Variants in AGBL4 observed in about 807,000 individuals in gnomAD.
The protein encoded by AGBL4 is cytosolic carboxypeptidase 6.
In AGBL4, 58 loss-of-function variants were observed where a neutral mutation model predicts 66.4. The ratio of observed to expected loss-of-function variants is 0.87; its 90% CI spans 0.71 to 1.09. AGBL4 has a LOEUF of 1.09. Among genes scored for constraint, AGBL4 ranks in the 50% least tolerant of loss-of-function variants. The pLI is 0.00. For missense variants in AGBL4, 579 were observed against 631.0 expected (o/e 0.92, Z 0.88); for synonymous variants, 234 against 222.9 (o/e 1.05, Z -0.44).
chr1:49,095,318 A>G (rs1645075407), intron 4 of AGBL4, among the ~76,000 whole-genome samples: 4 of 152,106 alleles, frequency 2.6e-5, no homozygotes, highest in South Asian at 2.1e-4. Context: ...TTTCTTCACA[A>G]AATTTGAAAA....
intron 1 of AGBL4, among the ~76,000 whole-genome samples, chr1:50,022,614 CCACACACACACACACACA>C (rs10588611): frequency 2.8e-5 from 4 of 141,202 alleles, no homozygotes; most frequent in African/African-American, 7.9e-5. Context: ...TGTACCATAA[CCACACACACACACACACA>C]CACACACACA....
At chr1:49,024,362 C>T (rs1465761269) in intron 5 of AGBL4, among the ~76,000 whole-genome samples, 1 of 152,156 alleles carries the variant, frequency 6.6e-6, no homozygotes, top group Non-Finnish European at 1.5e-5. Context: ...GCCATGCTCT[C>T]ACCCATTATA....
chr1:49,165,385 T>A (rs992923031), intron 4 of AGBL4, among the ~76,000 whole-genome samples: 4 of 152,152 alleles, frequency 2.6e-5, no homozygotes, highest in Admixed American at 6.6e-5. Context: ...TTTTACATTA[T>A]CACCAGAGAT....
chr1:49,112,921 C>T (rs1427639764), intron 4 of AGBL4, among the ~76,000 whole-genome samples: 1 of 151,876 alleles, frequency 6.6e-6, no homozygotes, highest in African/African-American at 2.4e-5. Context: ...GATACTTTGA[C>T]CTTCTCTCAT....
intron 3 of AGBL4, among the ~76,000 whole-genome samples, chr1:49,295,219 A>G (rs1644618824): frequency 6.6e-6 from 1 of 152,170 alleles, no homozygotes. Flanking sequence ...GGATATAACA[A>G]AAAATGCTAT....
At chr1:48,793,772 C>T (rs983346600) in intron 6 of AGBL4, among the ~76,000 whole-genome samples, 18 of 152,090 alleles carry the variant, frequency 1.2e-4, no homozygotes, top group Middle Eastern at 3.2e-3. Context: ...TATCTCTAAG[C>T]ACACTCTTTC....
At chr1:49,189,466 T>C (rs1039160210) in intron 4 of AGBL4, among the ~76,000 whole-genome samples, 3 of 152,256 alleles carry the variant, frequency 2.0e-5, no homozygotes, top group African/African-American at 7.2e-5. Context: ...TGTTGAGTAG[T>C]GGTTTACATA....
chr1:50,021,691 C>G (rs1456821935), intron 1 of AGBL4, among the ~76,000 whole-genome samples: 1 of 152,170 alleles, frequency 6.6e-6, no homozygotes, highest in Non-Finnish European at 1.5e-5. Flanking sequence ...TCTCTATATG[C>G]ATTCTTGTAT....
chr1:48,663,113 GATGTGGGT>G (rs1557863098), intron 7 of AGBL4, 31 bp downstream of exon 7: 1 of 1,589,646 alleles, frequency 6.3e-7, no homozygotes, highest in East Asian at 2.2e-5. Flanking sequence ...GTCCCAGTTG[GATGTGGGT>G]ATAGGATACC....
At chr1:49,707,653 G>A (rs1217049127) in intron 2 of AGBL4, among the ~76,000 whole-genome samples, 1 of 152,006 alleles carries the variant, frequency 6.6e-6, no homozygotes, top group Non-Finnish European at 1.5e-5. Flanking sequence ...AGTGTCGATG[G>A]TCTCTACATT....
intron 3 of AGBL4, among the ~76,000 whole-genome samples, chr1:49,421,579 A>C (rs983996499): frequency 2.0e-5 from 3 of 152,198 alleles, no homozygotes; most frequent in Admixed American, 6.5e-5. Flanking sequence ...GCAAGAAGAG[A>C]GTTGAGTTAG....
At position 48,534,359 on chromosome 1, in the gene AGBL4, G is replaced by T. The variant is rs1643935689; in HGVS notation, c.1392-66C>A. 5 of 1,489,482 alleles carry T rather than the reference G, an allele frequency of 3.4e-6. No homozygotes were observed. In the East Asian group the frequency reaches 1.2e-4, roughly 37 times the overall value. The allele number at this position is 1,489,482 out of a possible 1,614,324, so 92.3% of individuals were successfully genotyped here. On this transcript the variant is annotated intron_variant, in intron 13 of 13. Coordinates refer to ENST00000371839, the MANE Select transcript of AGBL4 (RefSeq NM_032785.4). ...TATACACACTGTGATGAAATCATTT[G>T]TGTGCATGTCTATCTTCCCCACTGG...
At chr1:49,878,079 T>C (rs1647079171) in intron 1 of AGBL4, among the ~76,000 whole-genome samples, 1 of 151,306 alleles carries the variant, frequency 6.6e-6, no homozygotes, top group Admixed American at 6.6e-5. Context: ...GCTAGCGGTC[T>C]ATCAATTTTG....
chr1:49,646,619 T>C (rs764726508), intron 3 of AGBL4, among the ~76,000 whole-genome samples: 3 of 152,016 alleles, frequency 2.0e-5, no homozygotes, highest in Non-Finnish European at 2.9e-5. Flanking sequence ...AACTGATCTG[T>C]AGATTCAGTG....
intron 4 of AGBL4, among the ~76,000 whole-genome samples, chr1:49,183,064 A>C (rs1317189686): frequency 6.6e-6 from 1 of 152,160 alleles, no homozygotes; most frequent in Non-Finnish European, 1.5e-5. Flanking sequence ...AAAAAGTGTC[A>C]AATTCCTGCT....
intron 4 of AGBL4, among the ~76,000 whole-genome samples, chr1:49,051,803 G>A (rs561010868): frequency 4.6e-5 from 7 of 152,064 alleles, no homozygotes; most frequent in South Asian, 2.1e-4. Context: ...ATCTCTCTCC[G>A]CACTTTGTCA....
intron 6 of AGBL4, among the ~76,000 whole-genome samples, chr1:48,791,494 G>A (rs1645548750): frequency 6.6e-6 from 1 of 152,098 alleles, no homozygotes; most frequent in African/African-American, 2.4e-5. Context: ...CAAAGAATGA[G>A]CCCAACCCAT....
At chr1:49,657,008 G>A (rs1278052018) in intron 3 of AGBL4, among the ~76,000 whole-genome samples, 2 of 152,148 alleles carry the variant, frequency 1.3e-5, no homozygotes, top group African/African-American at 4.8e-5. Context: ...TCTGGCCAGA[G>A]CAATCAGACA....
At chr1:49,320,027 G>C (rs1483091386) in intron 3 of AGBL4, among the ~76,000 whole-genome samples, 1 of 151,946 alleles carries the variant, frequency 6.6e-6, no homozygotes, top group East Asian at 1.9e-4. Flanking sequence ...CAACCTCTGG[G>C]CTCAAGACAT....
Sources: allele counts gnomAD v4.1 joint callset (sites outside exome capture counted in the v4.1 genomes callset), GRCh38; gene constraint gnomAD v4.1.1; transcripts MANE v1.5; gene names NCBI Gene and HGNC (gene_info 2026-07-23, HGNC 2026-07-21).